The following PCDH11X variants were observed in gnomAD, a reference collection of about 807,000 sequenced individuals.
PCDH11X encodes protocadherin-11 X-linked.
PCDH11X carries 18 observed loss-of-function variants against 53.3 expected under a neutral mutation model. The observed-to-expected ratio is 0.34, with a 90% CI of 0.23 to 0.50. The LOEUF is 0.50. Among genes scored for constraint, PCDH11X ranks in the 20% least tolerant of loss-of-function variants. The pLI is 0.98. For missense variants in PCDH11X, 570 were observed against 1,032.4 expected, an observed-to-expected ratio of 0.55 and a Z score of 6.14; for synonymous variants, 279 against 393.3, an observed-to-expected ratio of 0.71 and a Z score of 3.44.
At chrX:91,852,008 CT>C (rs59675485) in intron 5 of PCDH11X, among the ~76,000 whole-genome samples, 91 of 94,417 alleles carry the variant, frequency 9.6e-4, no homozygotes, top group South Asian at 2.0e-3. Flanking sequence ...ATTAGGAATT[CT>C]TTTTTTTTTT....
In PCDH11X at chrX:92,293,960, G is replaced by A. The variant is rs746417870; in HGVS notation, c.3144+30817G>A. On this transcript the variant is annotated intron_variant, in intron 8 of 10. Coordinates refer to ENST00000682573, the MANE Select transcript of PCDH11X (RefSeq NM_032968.5). ...AAAGTAAAAATTAGTTAATAATAGTGTATAGATATATTGGTTCATTAGTTG... is the reference window on the plus strand; with the variant it reads ...AAAGTAAAAATTAGTTAATAATAGTATATAGATATATTGGTTCATTAGTTG... 1.8e-4 allele frequency among the ~76,000 whole-genome samples: 20 copies of A among 110,219 alleles called. No homozygotes were observed. In the South Asian group the frequency reaches 5.5e-3, roughly 31 times the overall value.
chrX:92,574,093 G>T (rs1381127517), intron 10 of PCDH11X, among the ~76,000 whole-genome samples: 1 of 93,681 alleles, frequency 1.1e-5, no homozygotes, highest in Non-Finnish European at 2.1e-5. Flanking sequence ...GTAACAATGT[G>T]GGGAGTTAAG....
At chrX:92,398,174 T>C (rs3853037) in intron 9 of PCDH11X, among the ~76,000 whole-genome samples, 18,071 of 111,105 alleles carry the variant, frequency 0.16, 1,999 homozygotes, top group East Asian at 0.74. Context: ...CCCAATTCAA[T>C]ACCCATGTAA....
At chrX:92,356,981 A>G (rs1309129533) in intron 8 of PCDH11X, among the ~76,000 whole-genome samples, 4 of 111,523 alleles carry the variant, frequency 3.6e-5, no homozygotes, top group Admixed American at 2.9e-4. Context: ...CTCCTGTGCA[A>G]CAGTGAAAAT....
chrX:91,833,475 G>A (rs898301271), intron 4 of PCDH11X, among the ~76,000 whole-genome samples: 4 of 110,566 alleles, frequency 3.6e-5, no homozygotes, highest in African/African-American at 1.3e-4. Context: ...TATACCACAG[G>A]CAACAGTGTT....
intron 10 of PCDH11X, among the ~76,000 whole-genome samples, chrX:92,603,651 A>C (rs1926476337): frequency 9.6e-6 from 1 of 104,673 alleles, no homozygotes; most frequent in Admixed American, 1.0e-4. Context: ...GTAAGAAATA[A>C]TTTTTTATCC....
At chrX:91,970,458 C>G (rs769576495) in intron 6 of PCDH11X, among the ~76,000 whole-genome samples, 2 of 111,046 alleles carry the variant, frequency 1.8e-5, no homozygotes, top group African/African-American at 6.6e-5. Flanking sequence ...GTCCCCTACC[C>G]GATTAGTTAG....
rs201468205 is a variant in PCDH11X, at chrX:92,348,515, A to T, written c.3145-39220A>T. 0.012 allele frequency among the ~76,000 whole-genome samples: 300 copies of T among 24,694 alleles called. 1 individual carries two copies. In the East Asian group the frequency reaches 0.13, roughly 10 times the overall value. The allele number at this position is 24,694 out of a possible 115,157, so 21.4% of individuals were successfully genotyped here. ...GAAATCAAACATCAAAATTATCATT[A>T]TTATTATTATTATTATTATTATTAT... On this transcript the variant is annotated intron_variant, in intron 8 of 10. Transcript: ENST00000682573.
chrX:92,214,997 G>C (rs1353420073), intron 7 of PCDH11X, among the ~76,000 whole-genome samples: 1 of 111,792 alleles, frequency 8.9e-6, no homozygotes, highest in African/African-American at 3.2e-5. Context: ...GCAGTAAGTG[G>C]AGATCCTGCC....
chrX:91,929,008 T>G (rs1942036571), intron 6 of PCDH11X, among the ~76,000 whole-genome samples: 1 of 110,960 alleles, frequency 9.0e-6, no homozygotes, highest in Admixed American at 9.6e-5. Context: ...TGTAGAAGTG[T>G]TTCTGTAATA....
At chrX:92,489,446 T>G (rs1178981206) in intron 10 of PCDH11X, among the ~76,000 whole-genome samples, 1 of 110,842 alleles carries the variant, frequency 9.0e-6, no homozygotes, top group East Asian at 2.8e-4. Context: ...GCTTGCATAT[T>G]CATTTACCAC....
At chrX:92,393,611 CAAT>C (rs2071180309) in intron 9 of PCDH11X, among the ~76,000 whole-genome samples, 1 of 110,788 alleles carries the variant, frequency 9.0e-6, no homozygotes, top group Non-Finnish European at 1.9e-5. Context: ...TTTAAGGTAA[CAAT>C]AATATCAAAG....
At chrX:92,460,837 G>T (rs2073024927) in intron 9 of PCDH11X, 2 of 1,055,822 alleles carry the variant, frequency 1.9e-6, no homozygotes, top group Non-Finnish European at 1.3e-6. Flanking sequence ...TTCACTCTTG[G>T]TGATGCCTTG....
Position 91,878,730 on chromosome X carries a change from C to T in PCDH11X, c.2490C>T (p.Ile830=). The change falls in exon 6 of 11, where the codon ATC becomes ATT. Residue 830 remains isoleucine (I), a synonymous_variant. Transcript: ENST00000682573. Reference sequence around the variant, plus strand: ...TAACTGTCGTTGTAGTTATTTTCATCACTGCTGTAGTAAGATGTCGCCAGG... The same window carrying T: ...TAACTGTCGTTGTAGTTATTTTCATTACTGCTGTAGTAAGATGTCGCCAGG... ...GTITVVVVIF[I]TAVVRCRQAP... is the part of the protein sequence containing the mutation. 1.7e-6 allele frequency: 2 copies of T among 1,210,708 alleles called. No individual in the cohort carries two copies. Among genetic ancestry groups the T allele is most frequent in the Non-Finnish European group, 2.2e-6 (2 of 895,232 alleles).
At chrX:92,578,872 A>G (rs747159455) in intron 10 of PCDH11X, among the ~76,000 whole-genome samples, 241 of 109,685 alleles carry the variant, frequency 2.2e-3, no homozygotes, top group African/African-American at 7.7e-3. Context: ...GTGTTTTTGT[A>G]GTGGATCATA....
chrX:92,251,790 G>A (rs2067466006), intron 7 of PCDH11X, among the ~76,000 whole-genome samples: 1 of 110,705 alleles, frequency 9.0e-6, no homozygotes, highest in Non-Finnish European at 1.9e-5. Flanking sequence ...ATCAATAAGG[G>A]TAGTTAATGC....
At chrX:92,544,821 C>T (rs1250340663) in intron 10 of PCDH11X, among the ~76,000 whole-genome samples, 3 of 109,603 alleles carry the variant, frequency 2.7e-5, no homozygotes, top group Non-Finnish European at 5.7e-5. Context: ...AATGGAAGCA[C>T]TTTTTTAAAG....
intron 4 of PCDH11X, among the ~76,000 whole-genome samples, chrX:91,828,432 C>A (rs1167453462): frequency 2.7e-5 from 3 of 111,323 alleles, no homozygotes; most frequent in African/African-American, 9.8e-5. Flanking sequence ...ACTGAAGATT[C>A]GAAATATGGC....
chrX:92,060,899 C>T (rs1450438910), intron 6 of PCDH11X, among the ~76,000 whole-genome samples: 5 of 111,843 alleles, frequency 4.5e-5, no homozygotes, highest in African/African-American at 6.5e-5. Context: ...TTTGAGAAAT[C>T]GCCAAACCAC....
Sources: gnomAD v4.1 joint callset for allele counts (sites outside exome capture counted in the v4.1 genomes callset) on GRCh38, gnomAD v4.1.1 for gene constraint, MANE v1.5 for transcripts, NCBI Gene and HGNC (gene_info 2026-07-23, HGNC 2026-07-21) for gene names.